EIF3E: variants seen among roughly 807,000 people sequenced by gnomAD.
EIF3E encodes the protein eukaryotic translation initiation factor 3 subunit E.
In EIF3E, 25 loss-of-function variants were observed where a neutral mutation model predicts 59.3. The observed-to-expected ratio is 0.42, with a 90% confidence interval of 0.31 to 0.59. The LOEUF is 0.59. Among genes scored for constraint, EIF3E ranks in the 20% least tolerant of loss-of-function variants. The pLI, the probability that EIF3E is intolerant of heterozygous loss-of-function variation, is 0.15. For synonymous variants in EIF3E, 176 were observed against 170.2 expected, an observed-to-expected ratio of 1.03 and a Z score of -0.26; for missense variants, 317 against 534.3, an observed-to-expected ratio of 0.59 and a Z score of 4.01.
chr8:108,206,959 A>G (rs1040912066), intron 10 of EIF3E, among the ~76,000 whole-genome samples: 2 of 152,166 alleles, frequency 1.3e-5, no homozygotes, highest in African/African-American at 4.8e-5. Context: ...GCTCTGAGCC[A>G]TATCTTACTT....
At chr8:108,208,999 A>G (rs1815158030) in intron 10 of EIF3E, among the ~76,000 whole-genome samples, 1 of 152,144 alleles carries the variant, frequency 6.6e-6, no homozygotes, top group Non-Finnish European at 1.5e-5. Context: ...AAAACATATA[A>G]AACATTCTTA....
rs564900515 is a variant in EIF3E at position 108,212,662 on chromosome 8, C to G, written c.1061+1945G>C. ...ACTAAAAGCACAAAAATTAGCTGGG[C>G]GTGGTGGCACATGCCTGTAATCTCA... On this transcript the variant is annotated intron_variant, in intron 10 of 12. Coordinates refer to ENST00000220849, the MANE Select transcript of EIF3E (RefSeq NM_001568.3). 3.3e-5 allele frequency among the ~76,000 whole-genome samples: 5 copies of G among 152,140 alleles called. No individual in the cohort carries two copies. In the South Asian group the frequency reaches 1.0e-3, roughly 32 times the overall value.
In EIF3E at chr8:108,202,979, T is replaced by C. The variant is rs773793940; in HGVS notation, c.1299+4A>G. ...AGACAGAATAGAAGATGTGTGGTTC[T>C]TACCTCTGACCTGCTATTCTGATTA... On this transcript the variant is annotated splice_donor_region_variant and intron_variant, in intron 12 of 12. Coordinates refer to ENST00000220849, the MANE Select transcript of EIF3E (RefSeq NM_001568.3). 1 of 1,610,474 alleles carries C rather than the reference T, an allele frequency of 6.2e-7. No individual in the cohort carries two copies. The highest frequency in any genetic ancestry group is 8.5e-7 in the Non-Finnish European group (1 of 1,178,348).
At chr8:108,234,728 G>T (rs917478470) in intron 5 of EIF3E, 19 of 241,702 alleles carry the variant, frequency 7.9e-5, no homozygotes, top group Middle Eastern at 1.3e-3. Context: ...TACATGATAC[G>T]ATTCTGTTAA....
intron 1 of EIF3E, among the ~76,000 whole-genome samples, chr8:108,244,137 A>C (rs1359465125): frequency 6.6e-6 from 1 of 152,242 alleles, no homozygotes; most frequent in Non-Finnish European, 1.5e-5. Context: ...AAAATTTTGA[A>C]ACAGAAATAA....
intron 3 of EIF3E, among the ~76,000 whole-genome samples, chr8:108,237,337 C>T (rs1006658375): frequency 2.6e-5 from 4 of 152,138 alleles, no homozygotes; most frequent in Non-Finnish European, 5.9e-5. Context: ...CTGCCACCTC[C>T]GCCTCCCGGG....
At chr8:108,231,736 C>T (rs890981639) in intron 5 of EIF3E, 18 of 152,038 alleles carry the variant, frequency 1.2e-4, no homozygotes, top group Middle Eastern at 3.2e-3. Context: ...AAACCAGCTT[C>T]GTCATTTTAT....
At chr8:108,206,885 A>T (rs910347138) in intron 10 of EIF3E, among the ~76,000 whole-genome samples, 7 of 152,194 alleles carry the variant, frequency 4.6e-5, no homozygotes, top group African/African-American at 1.7e-4. Context: ...CCATATTCTA[A>T]GACTCATTCC....
At chr8:108,226,756 T>C (rs1166812099) in intron 7 of EIF3E, among the ~76,000 whole-genome samples, 1 of 152,090 alleles carries the variant, frequency 6.6e-6, no homozygotes, top group Non-Finnish European at 1.5e-5. Context: ...TACTGACCAA[T>C]ACATTCATCA....
At chr8:108,206,383 G>C (rs584555) in intron 10 of EIF3E, among the ~76,000 whole-genome samples, 79,432 of 151,900 alleles carry the variant, frequency 0.52, 21,129 homozygotes, top group African/African-American at 0.65. Flanking sequence ...TATGTGAAAT[G>C]CAAAAAGGTC....
Position 108,205,335 on chromosome 8 carries a change from C to T in EIF3E, c.1062-1832G>A, listed in dbSNP as rs181206969. On this transcript the variant is annotated intron_variant, in intron 10 of 12. Transcript: ENST00000220849. ...AGCATGACTCCTCATACACAGGAGA[C>T]GATAAATATTTACTGTCTGATTGAT... is the stretch of plus-strand genomic sequence containing the variant. Among the ~76,000 whole-genome samples the T allele has an allele frequency of 2.1e-3, 327 of 152,266 alleles. 1 individual carries two copies. Among genetic ancestry groups the T allele is most frequent in the Non-Finnish European group, 3.7e-3 (250 of 67,998 alleles).
chr8:108,228,616 T>C (rs1352344392), intron 6 of EIF3E, among the ~76,000 whole-genome samples: 1 of 152,192 alleles, frequency 6.6e-6, no homozygotes, highest in Non-Finnish European at 1.5e-5. Flanking sequence ...TAATGTCTAC[T>C]GAAGACGCTC....
intron 7 of EIF3E, among the ~76,000 whole-genome samples, chr8:108,220,177 G>A (rs971682814): frequency 6.6e-6 from 1 of 151,552 alleles, no homozygotes; most frequent in South Asian, 2.1e-4. Flanking sequence ...GTAAAAACAT[G>A]CACAGGCACT....
intron 2 of EIF3E, 50 bp from the exon 3 acceptor site, chr8:108,240,125 T>C: frequency 6.9e-7 from 1 of 1,444,122 alleles, no homozygotes; most frequent in Non-Finnish European, 9.8e-7. Flanking sequence ...TGTTAAATTG[T>C]GCTACTCATC....
At chr8:108,221,151 TCA>T (rs1815404786) in intron 7 of EIF3E, among the ~76,000 whole-genome samples, 1 of 151,946 alleles carries the variant, frequency 6.6e-6, no homozygotes, top group Non-Finnish European at 1.5e-5. Context: ...AAAGAACCCC[TCA>T]GACACTTAAC....
chr8:108,204,756 GAGAGAGAGAGAGAGAGAGAGAGAGAC>G (rs1464873683), intron 10 of EIF3E, among the ~76,000 whole-genome samples: 9 of 108,268 alleles, frequency 8.3e-5, no homozygotes, highest in African/African-American at 2.7e-4. Context: ...TAGAGAGAGA[GAGAGAGAGAGAGAGAGAGAGAGAGAC>G]AGAGAGAGAG....
chr8:108,240,199 T>C (rs925969560), intron 2 of EIF3E, 124 bp from the exon 3 acceptor site: 2 of 794,440 alleles, frequency 2.5e-6, no homozygotes, highest in Non-Finnish European at 4.4e-6. Context: ...ACCCCCAATA[T>C]ATTCATATGC....
At chr8:108,233,713 T>C (rs1815665352) in intron 5 of EIF3E, 1 of 372,498 alleles carries the variant, frequency 2.7e-6, no homozygotes, top group Non-Finnish European at 5.4e-6. Flanking sequence ...TGAGTGGTGA[T>C]GCACACTTGT....
At chr8:108,248,347 C>T (rs572607382) in intron 1 of EIF3E, among the ~76,000 whole-genome samples, 2 of 152,130 alleles carry the variant, frequency 1.3e-5, no homozygotes, top group Non-Finnish European at 2.9e-5. Context: ...AGAAATGATG[C>T]GAAAATCCCT....
Sources: allele counts gnomAD v4.1 joint callset (sites outside exome capture counted in the v4.1 genomes callset), GRCh38; gene constraint gnomAD v4.1.1; transcripts MANE v1.5; gene names NCBI Gene and HGNC (gene_info 2026-07-23, HGNC 2026-07-21).